Variants in OR51T1 observed in about 807,000 individuals in gnomAD.
The protein encoded by OR51T1 is olfactory receptor 51T1.
For missense variants in OR51T1, 439 were observed against 398.5 expected (o/e 1.10, Z -0.87); for synonymous variants, 188 against 152.6 (o/e 1.23, Z -1.71).
In OR51T1 at chr11:4,882,133, G is replaced by T; in HGVS notation, c.234G>T (p.Thr78=). 1 of 1,613,794 alleles carries T rather than the reference G, an allele frequency of 6.2e-7. No individual in the cohort carries two copies. The highest frequency in any genetic ancestry group is 8.5e-7 in the Non-Finnish European group (1 of 1,179,894). Reference sequence around the variant, plus strand: ...CTGTTGATCTATGTCTGACCATTACGACCCTTCCCACTGTGCTTGGTGTTC... The same window carrying T: ...CTGTTGATCTATGTCTGACCATTACTACCCTTCCCACTGTGCTTGGTGTTC... ...LAAVDLCLTI[T]TLPTVLGVLW... Residue 78 remains threonine, a synonymous_variant, in exon 1 of 1, where the codon ACG becomes ACT. Coordinates refer to ENST00000322049, the MANE Select transcript of OR51T1 (RefSeq NM_001004759.3).
In OR51T1 at chr11:4,882,013, C is replaced by T. The variant is rs546318674; in HGVS notation, c.114C>T (p.Thr38=). 1.9e-6 allele frequency: 3 copies of T among 1,613,892 alleles called. No homozygotes were observed. The African/African-American group carries it at 4.0e-5, about 22-fold the overall frequency. ...CCATTCCAGTCTGCTGTCTCTACAC[C>T]ATTGCCCTCTTGGGAAACAGTATGA... ...WISIPVCCLY[T]IALLGNSMIF... The change falls in exon 1 of 1, where the codon ACC becomes ACT. Residue 38 remains threonine, a synonymous_variant. Coordinates refer to ENST00000322049, the MANE Select transcript of OR51T1 (RefSeq NM_001004759.3).
chr11:4,882,558 A>G lies in OR51T1; in HGVS notation c.659A>G (p.Tyr220Cys), dbSNP rs762621077. The change falls in exon 1 of 1, where the codon TAT becomes TGT. Residue 220 changes from tyrosine to cysteine, a missense_variant. By Grantham distance (194) the Tyr-to-Cys change is radical. Transcript: ENST00000322049. ...GACGTATTGTTTATTCTTTTCTCCT[A>G]TGTCCTGATCCTCCGTACTGTTCTG... ...GTDVLFILFS[Y>C]VLILRTVLGI... is the part of the protein sequence containing the mutation. The G allele has an allele frequency of 6.2e-7, 1 of 1,613,734 alleles. No homozygotes were observed. The highest frequency in any genetic ancestry group is 8.5e-7 in the Non-Finnish European group (1 of 1,179,888).
chr11:4,882,496 T>C lies in OR51T1; in HGVS notation c.597T>C (p.Phe199=), dbSNP rs372455495. The part of the protein sequence containing the change: ...YTYSKPWISS[F]WGLFLQLYLN... ...ATTCCAAACCTTGGATCAGCAGTTTTTGGGGACTGTTTCTTCAGCTCTACC... is the reference window on the plus strand; with the variant it reads ...ATTCCAAACCTTGGATCAGCAGTTTCTGGGGACTGTTTCTTCAGCTCTACC... The change falls in exon 1 of 1, where the codon TTT becomes TTC. Residue 199 remains phenylalanine (F), a synonymous_variant. Transcript: ENST00000322049. The C allele has an allele frequency of 2.9e-5, 47 of 1,613,858 alleles. No homozygotes were observed. Among genetic ancestry groups the C allele is most frequent in the Middle Eastern group, 1.6e-4 (1 of 6,076 alleles).
At position 4,882,684 on chromosome 11, in the gene OR51T1, T is replaced by C. The variant is rs750383514; in HGVS notation, c.785T>C (p.Leu262Ser). ...IFYVPLISLS[L>S]AHRLFHSTPR... ...TATGTGCCACTGATCAGCCTCTCTT[T>C]GGCACACCGCCTCTTCCACTCCACC... Residue 262 changes from leucine (L) to serine (S), a missense_variant, in exon 1 of 1, where the codon TTG becomes TCG. Coordinates refer to ENST00000322049, the MANE Select transcript of OR51T1 (RefSeq NM_001004759.3). 97 of 1,613,844 alleles carry C rather than the reference T, an allele frequency of 6.0e-5. No individual in the cohort carries two copies. The highest frequency in any genetic ancestry group is 7.8e-5 in the Non-Finnish European group (92 of 1,179,946).
Position 4,882,518 on chromosome 11 carries a change from T to C in OR51T1, c.619T>C (p.Tyr207His). Residue 207 changes from tyrosine to histidine, a missense_variant, in exon 1 of 1, where the codon TAC (tyrosine) becomes CAC (histidine). By Grantham distance (83) the Tyr-to-His change is moderately conservative. Transcript: ENST00000322049. The part of the protein sequence containing the change: ...SSFWGLFLQL[Y>H]LNGTDVLFIL... ...TTTTTGGGGACTGTTTCTTCAGCTCTACCTGAATGGCACTGACGTATTGTT... is the reference window on the plus strand; with the variant it reads ...TTTTTGGGGACTGTTTCTTCAGCTCCACCTGAATGGCACTGACGTATTGTT... The C allele has an allele frequency of 6.2e-7, 1 of 1,613,966 alleles. No individual in the cohort carries two copies. The highest frequency in any genetic ancestry group is 8.5e-7 in the Non-Finnish European group (1 of 1,179,902).
chr11:4,881,985 T>G lies in OR51T1; in HGVS notation c.86T>G (p.Ile29Ser). The G allele has an allele frequency of 6.2e-7, 1 of 1,613,902 alleles. No homozygotes were observed. The highest frequency in any genetic ancestry group is 8.5e-7 in the Non-Finnish European group (1 of 1,179,914). ...FPGLECAHVW[I>S]SIPVCCLYTI... ...GGGCTGGAATGTGCTCATGTCTGGA[T>G]CTCCATTCCAGTCTGCTGTCTCTAC... The change falls in exon 1 of 1, where the codon ATC (isoleucine) becomes AGC (serine). Residue 29 changes from isoleucine to serine, a missense_variant. Coordinates refer to ENST00000322049, the MANE Select transcript of OR51T1 (RefSeq NM_001004759.3).
At position 4,882,527 on chromosome 11, in the gene OR51T1, G is replaced by A; in HGVS notation, c.628G>A (p.Gly210Ser). 6.2e-7 allele frequency: 1 copy of A among 1,613,858 alleles called. No individual in the cohort carries two copies. Among genetic ancestry groups the A allele is most frequent in the South Asian group, 1.1e-5 (1 of 91,064 alleles). ...WGLFLQLYLNGTDVLFILFSY... is the reference protein window; with the variant it reads ...WGLFLQLYLNSTDVLFILFSY... ...ACTGTTTCTTCAGCTCTACCTGAAT[G>A]GCACTGACGTATTGTTTATTCTTTT... The change falls in exon 1 of 1, where the codon GGC (glycine) becomes AGC (serine). Residue 210 changes from glycine to serine, a missense_variant. By Grantham distance (56) the Gly-to-Ser change is moderately conservative (BLOSUM62 0). Coordinates refer to ENST00000322049, the MANE Select transcript of OR51T1 (RefSeq NM_001004759.3).
rs775640944 is a variant in OR51T1 at position 4,882,146 on chromosome 11, G to C, written c.247G>C (p.Val83Leu). 97 of 1,613,798 alleles carry C rather than the reference G, an allele frequency of 6.0e-5. No homozygotes were observed. The highest frequency in any genetic ancestry group is 8.1e-5 in the Non-Finnish European group (95 of 1,179,932). ...LCLTITTLPT[V>L]LGVLWFHARE... is the part of the protein sequence containing the mutation. The stretch of plus-strand genomic sequence containing the variant: ...TCTGACCATTACGACCCTTCCCACT[G>C]TGCTTGGTGTTCTCTGGTTTCATGC... The change falls in exon 1 of 1, where the codon GTG becomes CTG. Residue 83 changes from valine to leucine, a missense_variant. Transcript: ENST00000322049.
chr11:4,882,177 A>T lies in OR51T1; in HGVS notation c.278A>T (p.Glu93Val). 1 of 1,613,838 alleles carries T rather than the reference A, an allele frequency of 6.2e-7. No homozygotes were observed. The highest frequency in any genetic ancestry group is 1.3e-5 in the African/African-American group (1 of 74,990). The change falls in exon 1 of 1, where the codon GAG (glutamate) becomes GTG (valine). Residue 93 changes from glutamate (E) to valine (V), a missense_variant. Coordinates refer to ENST00000322049, the MANE Select transcript of OR51T1 (RefSeq NM_001004759.3). The stretch of plus-strand genomic sequence containing the variant: ...GGTGTTCTCTGGTTTCATGCCCGGG[A>T]GATCAGCTTTAAAGCTTGCTTCATT... Reference protein sequence around the residue: ...VLGVLWFHAREISFKACFIQM... With the variant: ...VLGVLWFHARVISFKACFIQM...
chr11:4,882,870 G>C lies in OR51T1; in HGVS notation c.971G>C (p.Gly324Ala), dbSNP rs916396146. The C allele has an allele frequency of 2.2e-5, 35 of 1,612,124 alleles. No individual in the cohort carries two copies. Among genetic ancestry groups the C allele is most frequent in the Middle Eastern group, 1.6e-4 (1 of 6,062 alleles). The change falls in exon 1 of 1, where the codon GGA (glycine) becomes GCA (alanine). Residue 324 changes from glycine (G) to alanine (A), a missense_variant. Coordinates refer to ENST00000322049, the MANE Select transcript of OR51T1 (RefSeq NM_001004759.3). ...SWGFNVRGLR[G>A]RWD is the part of the protein sequence containing the mutation. ...GGTTTTAATGTGAGGGGTCTTAGGG[G>C]AAGATGGGATTGAAGGTAGGAAATT...
Position 4,882,312 on chromosome 11 carries a change from T to C in OR51T1, c.413T>C (p.Leu138Pro). Residue 138 changes from leucine to proline, a missense_variant, in exon 1 of 1, where the codon CTC (leucine) becomes CCC (proline). By Grantham distance (98) the Leu-to-Pro change is moderately conservative (BLOSUM62 -3). Coordinates refer to ENST00000322049, the MANE Select transcript of OR51T1 (RefSeq NM_001004759.3). The part of the protein sequence containing the change: ...ICNPLNYATI[L>P]TDRMVLVIGL... Reference sequence around the variant, plus strand: ...AACCCACTGAACTATGCTACTATCCTCACAGACAGGATGGTCCTGGTGATA... The same window carrying C: ...AACCCACTGAACTATGCTACTATCCCCACAGACAGGATGGTCCTGGTGATA... 1 of 1,614,016 alleles carries C rather than the reference T, an allele frequency of 6.2e-7. No individual in the cohort carries two copies. Among genetic ancestry groups the C allele is most frequent in the Non-Finnish European group, 8.5e-7 (1 of 1,179,962 alleles).
Position 4,882,693 on chromosome 11 carries a change from G to A in OR51T1, c.794G>A (p.Arg265His), listed in dbSNP as rs768466143. The A allele has an allele frequency of 6.8e-6, 11 of 1,613,856 alleles. No individual in the cohort carries two copies. The highest frequency in any genetic ancestry group is 2.2e-5 in the East Asian group (1 of 44,846). Residue 265 changes from arginine (R) to histidine (H), a missense_variant, in exon 1 of 1, where the codon CGC becomes CAC. Physicochemically the swap from Arg to His is conservative, Grantham distance 29. Coordinates refer to ENST00000322049, the MANE Select transcript of OR51T1 (RefSeq NM_001004759.3). ...CTGATCAGCCTCTCTTTGGCACACC[G>A]CCTCTTCCACTCCACCCCAAGGGTG... ...VPLISLSLAH[R>H]LFHSTPRVLC... is the part of the protein sequence containing the mutation.
At position 4,882,049 on chromosome 11, in the gene OR51T1, C is replaced by A; in HGVS notation, c.150C>A (p.Val50=). The change falls in exon 1 of 1, where the codon GTC becomes GTA. Residue 50 remains valine, a synonymous_variant. Coordinates refer to ENST00000322049, the MANE Select transcript of OR51T1 (RefSeq NM_001004759.3). The stretch of plus-strand genomic sequence containing the variant: ...TGGGAAACAGTATGATCTTTCTTGT[C>A]ATCATTACTAAGCGGAGACTCCACA... The part of the protein sequence containing the change: ...ALLGNSMIFL[V]IITKRRLHKP... 3.1e-6 allele frequency: 5 copies of A among 1,613,820 alleles called. No homozygotes were observed. Among genetic ancestry groups the A allele is most frequent in the Non-Finnish European group, 4.2e-6 (5 of 1,179,842 alleles).
chr11:4,882,342 T>G lies in OR51T1; in HGVS notation c.443T>G (p.Leu148Arg), dbSNP rs1850482574. Residue 148 changes from leucine to arginine, a missense_variant, in exon 1 of 1, where the codon CTG becomes CGG. By Grantham distance (102) the Leu-to-Arg change is moderately radical (BLOSUM62 -2). Transcript: ENST00000322049. ...GACAGGATGGTCCTGGTGATAGGGC[T>G]GGTCATCTGCATTAGACCAGCAGTT... is the stretch of plus-strand genomic sequence containing the variant. ...LTDRMVLVIG[L>R]VICIRPAVFL... The G allele has an allele frequency of 1.9e-6, 3 of 1,613,874 alleles. No individual in the cohort carries two copies. In the African/African-American group the frequency reaches 4.0e-5, roughly 22 times the overall value.
Position 4,882,655 on chromosome 11 carries a change from T to C in OR51T1, c.756T>C (p.Ile252=). The change falls in exon 1 of 1, where the codon ATT becomes ATC. Residue 252 remains isoleucine, a synonymous_variant. Coordinates refer to ENST00000322049, the MANE Select transcript of OR51T1 (RefSeq NM_001004759.3). ...TCVCHICAVT[I]FYVPLISLSL... ...TCTGTCACATCTGTGCAGTCACTAT[T>C]TTCTATGTGCCACTGATCAGCCTCT... 6.2e-7 allele frequency: 1 copy of C among 1,613,946 alleles called. No homozygotes were observed. Among genetic ancestry groups the C allele is most frequent in the East Asian group, 2.2e-5 (1 of 44,842 alleles).
rs754987639 is a variant in OR51T1 at position 4,881,973 on chromosome 11, C to G, written c.74C>G (p.Ala25Gly). Residue 25 changes from alanine to glycine, a missense_variant, in exon 1 of 1, where the codon GCT becomes GGT. Ala to Gly is a moderately conservative substitution (Grantham distance 60). Transcript: ENST00000322049. ...ACTGCATTCCCTGGGCTGGAATGTG[C>G]TCATGTCTGGATCTCCATTCCAGTC... ...LLTAFPGLECAHVWISIPVCC... is the reference protein window; with the variant it reads ...LLTAFPGLECGHVWISIPVCC... 32 of 1,613,870 alleles carry G rather than the reference C, an allele frequency of 2.0e-5. No individual in the cohort carries two copies. The South Asian group carries it at 3.4e-4, about 17-fold the overall frequency.
At position 4,882,179 on chromosome 11, in the gene OR51T1, A is replaced by T. The variant is rs1409776958; in HGVS notation, c.280A>T (p.Ile94Phe). Residue 94 changes from isoleucine (I) to phenylalanine (F), a missense_variant, in exon 1 of 1, where the codon ATC becomes TTC. Transcript: ENST00000322049. The part of the protein sequence containing the change: ...LGVLWFHARE[I>F]SFKACFIQMF... ...TGTTCTCTGGTTTCATGCCCGGGAG[A>T]TCAGCTTTAAAGCTTGCTTCATTCA... is the stretch of plus-strand genomic sequence containing the variant. 1 of 1,613,772 alleles carries T rather than the reference A, an allele frequency of 6.2e-7. No homozygotes were observed. The highest frequency in any genetic ancestry group is 2.2e-5 in the East Asian group (1 of 44,834).
chr11:4,882,300 A>G lies in OR51T1; in HGVS notation c.401A>G (p.Tyr134Cys), dbSNP rs1169746154. 12 of 1,613,828 alleles carry G rather than the reference A, an allele frequency of 7.4e-6. No homozygotes were observed. The highest frequency in any genetic ancestry group is 3.3e-5 in the Admixed American group (2 of 59,966). Reference sequence around the variant, plus strand: ...GTGGCTATCTGTAACCCACTGAACTATGCTACTATCCTCACAGACAGGATG... The same window carrying G: ...GTGGCTATCTGTAACCCACTGAACTGTGCTACTATCCTCACAGACAGGATG... ...RFVAICNPLNYATILTDRMVL... is the reference protein window; with the variant it reads ...RFVAICNPLNCATILTDRMVL... Residue 134 changes from tyrosine to cysteine, a missense_variant, in exon 1 of 1, where the codon TAT (tyrosine) becomes TGT (cysteine). Transcript: ENST00000322049.
chr11:4,882,605 C>T lies in OR51T1; in HGVS notation c.706C>T (p.Gln236Ter). Reference sequence around the variant, plus strand: ...TCTGGGCATTGTGGCCCGAAAGAAGCAACAAAAAGCTCTCAGCACTTGTGT... The same window carrying T: ...TCTGGGCATTGTGGCCCGAAAGAAGTAACAAAAAGCTCTCAGCACTTGTGT... ...TVLGIVARKKQQKALSTCVCH... is the reference protein window; with the variant it reads ...TVLGIVARKK The change falls in exon 1 of 1, where the codon CAA (glutamine) becomes TAA (stop). Residue 236 changes from glutamine to a stop codon, truncating the protein, a stop_gained. Transcript: ENST00000322049. LOFTEE classifies it low-confidence loss of function (END_TRUNC). 1 of 1,613,934 alleles carries T rather than the reference C, an allele frequency of 6.2e-7. No individual in the cohort carries two copies. The highest frequency in any genetic ancestry group is 8.5e-7 in the Non-Finnish European group (1 of 1,179,946).
Sources: allele counts gnomAD v4.1 joint callset, GRCh38; gene constraint gnomAD v4.1.1; transcripts MANE v1.5; gene names NCBI Gene and HGNC (gene_info 2026-07-23, HGNC 2026-07-21).